The following PARD3 variants were observed in gnomAD, a reference collection of about 807,000 sequenced individuals.
The protein encoded by PARD3 is par-3 family cell polarity regulator.
A neutral mutation model predicts 155.4 loss-of-function variants in PARD3; 75 were observed. The observed-to-expected ratio is 0.48, with a 90% CI of 0.40 to 0.58. The LOEUF (loss-of-function observed/expected upper bound fraction) is 0.58. Ranked by LOEUF, PARD3 falls within the 20% of genes least tolerant of loss-of-function variation. The probability of loss-of-function intolerance (pLI) is 0.00; values close to 1 mark genes in which losing one functional copy is unlikely to be tolerated. For missense variants in PARD3, 1,642 were observed against 1,721.7 expected (o/e 0.95, Z 0.82); for synonymous variants, 576 against 610.5 (o/e 0.94, Z 0.83).
At chr10:34,319,170 T>TCA (rs1958218810) in intron 19 of PARD3, among the ~76,000 whole-genome samples, 1 of 139,892 alleles carries the variant, frequency 7.1e-6, no homozygotes, top group African/African-American at 2.7e-5. Flanking sequence ...CTCACTGCAA[T>TCA]CTCCACCTCC....
intron 1 of PARD3, among the ~76,000 whole-genome samples, chr10:34,771,911 T>C (rs895621815): frequency 1.3e-5 from 2 of 152,186 alleles, no homozygotes; most frequent in African/African-American, 4.8e-5. Context: ...CCAATGAAGA[T>C]GGGTCACACC....
At chr10:34,713,489 G>A (rs2094475543) in intron 1 of PARD3, among the ~76,000 whole-genome samples, 1 of 152,098 alleles carries the variant, frequency 6.6e-6, no homozygotes, top group South Asian at 2.1e-4. Context: ...CAGGTGCGGT[G>A]GCTCACACCT....
At chr10:34,216,375 T>C (rs1218112150) in intron 22 of PARD3, among the ~76,000 whole-genome samples, 4 of 152,224 alleles carry the variant, frequency 2.6e-5, no homozygotes, top group African/African-American at 9.6e-5. Context: ...ACAGCAAATA[T>C]GTTGCTTGGA....
In PARD3 at chr10:34,666,796, A is replaced by AAAAAAT. The variant is rs1358640964; in HGVS notation, c.222+29521_222+29522insATTTTT. ...TCCCCCTAAAAAAAAAAAAAAAAAA[A>AAAAAAT]ATATATATATATATATATATACACA... On this transcript the variant is annotated intron_variant, in intron 2 of 24. Transcript: ENST00000374788. Among the ~76,000 whole-genome samples the AAAAAAT allele has an allele frequency of 4.1e-3, 277 of 66,854 alleles. 11 individuals carry two copies. Among genetic ancestry groups the AAAAAAT allele is most frequent in the African/African-American group, 0.016 (265 of 16,416 alleles). 43.9% of individuals were successfully genotyped at this position (66,854 alleles called of 152,430 possible).
At chr10:34,608,580 G>A (rs1040610940) in intron 2 of PARD3, among the ~76,000 whole-genome samples, 1 of 144,378 alleles carries the variant, frequency 6.9e-6, no homozygotes, top group African/African-American at 2.7e-5. Context: ...TGTCACCCAG[G>A]CTGGAGTGCA....
intron 5 of PARD3, among the ~76,000 whole-genome samples, chr10:34,408,500 T>G (rs1000048701): frequency 1.3e-5 from 2 of 152,174 alleles, no homozygotes; most frequent in African/African-American, 4.8e-5. Context: ...TGGATTACAT[T>G]TGATGAAAAA....
At chr10:34,410,433 T>C (rs1249982241) in intron 5 of PARD3, among the ~76,000 whole-genome samples, 1 of 152,070 alleles carries the variant, frequency 6.6e-6, no homozygotes, top group Non-Finnish European at 1.5e-5. Context: ...GGTAAACATA[T>C]CATCATTTCA....
chr10:34,285,336 G>C (rs1956333927), intron 20 of PARD3, among the ~76,000 whole-genome samples: 1 of 152,120 alleles, frequency 6.6e-6, no homozygotes, highest in South Asian at 2.1e-4. Context: ...GAGGCTTTGG[G>C]AGGCTGAGGC....
intron 22 of PARD3, among the ~76,000 whole-genome samples, chr10:34,160,091 A>T (rs1341858810): frequency 1.3e-5 from 2 of 152,222 alleles, no homozygotes; most frequent in African/African-American, 4.8e-5. Flanking sequence ...AACATTTTGG[A>T]GTTATTTAAT....
At chr10:34,630,325 C>A (rs549255513) in intron 2 of PARD3, among the ~76,000 whole-genome samples, 2 of 152,212 alleles carry the variant, frequency 1.3e-5, no homozygotes, top group Non-Finnish European at 2.9e-5. Flanking sequence ...GGCAGAGACT[C>A]CTCCTGCAGG....
chr10:34,425,667 G>T (rs2075562501), intron 5 of PARD3, among the ~76,000 whole-genome samples: 1 of 152,164 alleles, frequency 6.6e-6, no homozygotes, highest in South Asian at 2.1e-4. Context: ...AAAGTGCTGG[G>T]ATTACAGGCG....
chr10:34,153,298 T>C (rs1330545517), intron 22 of PARD3, among the ~76,000 whole-genome samples: 1 of 152,118 alleles, frequency 6.6e-6, no homozygotes, highest in Non-Finnish European at 1.5e-5. Flanking sequence ...AGGTGTGAGA[T>C]ACTGCGCCTG....
At chr10:34,468,940 T>C (rs2078175092) in intron 4 of PARD3, among the ~76,000 whole-genome samples, 1 of 152,252 alleles carries the variant, frequency 6.6e-6, no homozygotes, top group Non-Finnish European at 1.5e-5. Flanking sequence ...CAATATATAC[T>C]GTGCTAACTT....
intron 1 of PARD3, among the ~76,000 whole-genome samples, chr10:34,782,721 GT>G (rs879708183): frequency 0.04 from 5,746 of 145,360 alleles, 358 homozygotes; most frequent in African/African-American, 0.14. Flanking sequence ...CATTAGGAAA[GT>G]TTTTTTTTTT....
chr10:34,806,396 A>G (rs1183555936), intron 1 of PARD3, among the ~76,000 whole-genome samples: 2 of 152,028 alleles, frequency 1.3e-5, no homozygotes, highest in African/African-American at 4.8e-5. Flanking sequence ...GGGTTTCACT[A>G]CTTTGGCCAG....
At chr10:34,426,333 T>C (rs1328910383) in intron 5 of PARD3, among the ~76,000 whole-genome samples, 3 of 152,208 alleles carry the variant, frequency 2.0e-5, no homozygotes, top group Non-Finnish European at 4.4e-5. Context: ...TCGTTACTCA[T>C]AGCATTTTCA....
At chr10:34,697,840 A>G (rs926906977) in intron 1 of PARD3, among the ~76,000 whole-genome samples, 1 of 151,392 alleles carries the variant, frequency 6.6e-6, no homozygotes, top group Non-Finnish European at 1.5e-5. Flanking sequence ...CTGCACATGA[A>G]TCCCAATTAC....
intron 2 of PARD3, among the ~76,000 whole-genome samples, chr10:34,562,686 A>T (rs901410791): frequency 6.6e-6 from 1 of 152,202 alleles, no homozygotes; most frequent in African/African-American, 2.4e-5. Flanking sequence ...CAAATGATAC[A>T]CCATCATTAT....
chr10:34,421,481 TG>T (rs1327405011), intron 5 of PARD3, among the ~76,000 whole-genome samples: 2 of 151,964 alleles, frequency 1.3e-5, no homozygotes, highest in Non-Finnish European at 2.9e-5. Context: ...TGAGCATCCA[TG>T]TTTTTTTTTC....
Sources: allele counts gnomAD v4.1 joint callset (sites outside exome capture counted in the v4.1 genomes callset), GRCh38; gene constraint gnomAD v4.1.1; transcripts MANE v1.5; gene names NCBI Gene and HGNC (gene_info 2026-07-23, HGNC 2026-07-21).